Variants in RSPO2 observed in about 807,000 individuals in gnomAD.
RSPO2 encodes R-spondin 2.
A neutral mutation model predicts 30.9 loss-of-function variants in RSPO2; 14 were observed. The observed-to-expected ratio is 0.45, with a 90% CI of 0.30 to 0.71. The LOEUF is 0.71. Ranked by LOEUF, RSPO2 falls within the 30% of genes least tolerant of loss-of-function variation. The probability of loss-of-function intolerance (pLI) is 0.08; values close to 1 mark genes in which losing one functional copy is unlikely to be tolerated. For missense variants in RSPO2, 264 were observed against 301.9 expected, an observed-to-expected ratio of 0.87 and a Z score of 0.93; for synonymous variants, 107 against 96.4, an observed-to-expected ratio of 1.11 and a Z score of -0.64.
At chr8:107,996,126 T>C (rs1421617636) in intron 2 of RSPO2, among the ~76,000 whole-genome samples, 1 of 151,896 alleles carries the variant, frequency 6.6e-6, no homozygotes, top group African/African-American at 2.4e-5. Context: ...TTGAGGGAGA[T>C]GGGAAAAGCT....
chr8:107,932,348 G>A (rs934808300), intron 5 of RSPO2, among the ~76,000 whole-genome samples: 1 of 152,118 alleles, frequency 6.6e-6, no homozygotes, highest in African/African-American at 2.4e-5. Flanking sequence ...CTAGGTTGTG[G>A]CTAAAGTGAG....
chr8:108,074,520 A>AT (rs1812953807), intron 2 of RSPO2, among the ~76,000 whole-genome samples: 1 of 152,166 alleles, frequency 6.6e-6, no homozygotes, highest in Non-Finnish European at 1.5e-5. Flanking sequence ...AAGTATGCAA[A>AT]TTTTTACTAA....
chr8:108,081,360 T>C (rs558530162), intron 2 of RSPO2, among the ~76,000 whole-genome samples: 115 of 152,216 alleles, frequency 7.6e-4, no homozygotes, highest in Non-Finnish European at 1.3e-3. Flanking sequence ...CACAATGAGT[T>C]ATAAACAAAT....
chr8:108,023,660 A>G (rs956297211), intron 2 of RSPO2, among the ~76,000 whole-genome samples: 12 of 152,158 alleles, frequency 7.9e-5, no homozygotes, highest in Non-Finnish European at 5.9e-5. Context: ...CAAATCCATA[A>G]TATATATGGC....
At chr8:107,993,238 A>T (rs1039323344) in intron 2 of RSPO2, among the ~76,000 whole-genome samples, 1 of 152,206 alleles carries the variant, frequency 6.6e-6, no homozygotes, top group Non-Finnish European at 1.5e-5. Flanking sequence ...AACTACAAAA[A>T]CAATAACAGA....
In RSPO2 at chr8:107,989,040, A is replaced by G; in HGVS notation, c.283+16T>C. On this transcript the variant is annotated intron_variant, in intron 3 of 5. Coordinates refer to ENST00000276659, the MANE Select transcript of RSPO2 (RefSeq NM_178565.5). The stretch of plus-strand genomic sequence containing the variant: ...GCATATCCAGCAATACAGGATAGAC[A>G]AAACCAAATGCTCACTTGCACATCT... The G allele has an allele frequency of 6.3e-7, 1 of 1,586,014 alleles. No individual in the cohort carries two copies. Among genetic ancestry groups the G allele is most frequent in the Non-Finnish European group, 8.5e-7 (1 of 1,171,948 alleles).
At chr8:107,945,616 A>C (rs940430296) in intron 5 of RSPO2, among the ~76,000 whole-genome samples, 9 of 152,122 alleles carry the variant, frequency 5.9e-5, no homozygotes, top group Admixed American at 2.6e-4. Flanking sequence ...GCATTGTTTC[A>C]ACAGGTTCTC....
At chr8:107,931,364 A>T (rs1479599101) in intron 5 of RSPO2, among the ~76,000 whole-genome samples, 1 of 152,122 alleles carries the variant, frequency 6.6e-6, no homozygotes, top group Non-Finnish European at 1.5e-5. Context: ...AGCCCTTGGT[A>T]ATTTGAGACC....
Position 108,069,200 on chromosome 8 carries a change from A to AACAC in RSPO2, c.94+13341_94+13344dup, listed in dbSNP as rs56977468. On this transcript the variant is annotated intron_variant, in intron 2 of 5. Transcript: ENST00000276659. ...TCCATTGTTGGTGCATGTATGTGTG[A>AACAC]ACACACACACACACACACACACACA... Among the ~76,000 whole-genome samples the AACAC allele has an allele frequency of 8.8e-3, 1,305 of 148,352 alleles. 1 individual carries two copies. Among genetic ancestry groups the AACAC allele is most frequent in the African/African-American group, 0.016 (638 of 40,862 alleles).
At chr8:108,038,348 G>A (rs961809697) in intron 2 of RSPO2, among the ~76,000 whole-genome samples, 2 of 152,192 alleles carry the variant, frequency 1.3e-5, no homozygotes, top group Admixed American at 1.3e-4. Context: ...ATGAGGAGTT[G>A]CTTCTTATGG....
chr8:107,935,526 T>C (rs1193394008), intron 5 of RSPO2, among the ~76,000 whole-genome samples: 1 of 151,594 alleles, frequency 6.6e-6, no homozygotes, highest in Admixed American at 6.6e-5. Context: ...ATCAAGCAGA[T>C]AGGAAGAATA....
chr8:107,961,310 A>G (rs1813619632), intron 3 of RSPO2, among the ~76,000 whole-genome samples: 1 of 149,374 alleles, frequency 6.7e-6, no homozygotes, highest in African/African-American at 2.6e-5. Flanking sequence ...TACATTCATC[A>G]GAGGGTGACC....
At chr8:107,986,284 C>G (rs868123935) in intron 3 of RSPO2, among the ~76,000 whole-genome samples, 4 of 152,154 alleles carry the variant, frequency 2.6e-5, no homozygotes, top group Non-Finnish European at 5.9e-5. Context: ...CCATTTTTCA[C>G]TTTGCTCTAA....
At chr8:107,904,639 G>A (rs1478661712) in intron 5 of RSPO2, among the ~76,000 whole-genome samples, 1 of 152,030 alleles carries the variant, frequency 6.6e-6, no homozygotes, top group Non-Finnish European at 1.5e-5. Context: ...CTACTTCTGG[G>A]AATAAGAAAA....
intron 3 of RSPO2, among the ~76,000 whole-genome samples, chr8:107,973,256 C>T (rs948405324): frequency 6.8e-6 from 1 of 147,194 alleles, no homozygotes. Context: ...AGCAACACAG[C>T]GAGACTCCAT....
rs976741615 is a variant in RSPO2, at chr8:108,072,044, T to G, written c.94+10501A>C. On this transcript the variant is annotated intron_variant, in intron 2 of 5. Transcript: ENST00000276659. ...AGTTACCCCCAAAGAGTTATATTTT[T>G]GGGGGTGAGCAGATGATATGTCATT... Among the ~76,000 whole-genome samples the G allele has an allele frequency of 5.9e-5, 9 of 152,142 alleles. No homozygotes were observed. The South Asian group carries it at 1.9e-3, about 31-fold the overall frequency.
rs542466920 is a variant in RSPO2, at chr8:108,063,354, G to A, written c.94+19191C>T. 2.5e-4 allele frequency among the ~76,000 whole-genome samples: 38 copies of A among 151,542 alleles called. 1 individual carries two copies. Among genetic ancestry groups the A allele is most frequent in the Middle Eastern group, 3.4e-3 (1 of 294 alleles). On this transcript the variant is annotated intron_variant, in intron 2 of 5. Transcript: ENST00000276659. ...AAAGTCTCAGGATATAAAATCAACC[G>A]GCAAAAATCACAAGCATTCTTATAC...
intron 2 of RSPO2, chr8:107,989,526 G>A (rs971193131): frequency 3.0e-6 from 1 of 335,336 alleles, no homozygotes; most frequent in Admixed American, 5.1e-5. Flanking sequence ...GTAGAACTTA[G>A]GGCAAGGTCC....
intron 5 of RSPO2, among the ~76,000 whole-genome samples, chr8:107,914,876 A>T (rs1481850022): frequency 6.6e-6 from 1 of 152,190 alleles, no homozygotes; most frequent in Non-Finnish European, 1.5e-5. Flanking sequence ...ATTAAATTCC[A>T]GTAATACAAT....
Sources: allele counts gnomAD v4.1 joint callset (sites outside exome capture counted in the v4.1 genomes callset), GRCh38; gene constraint gnomAD v4.1.1; transcripts MANE v1.5; gene names NCBI Gene and HGNC (gene_info 2026-07-23, HGNC 2026-07-21).